Variants in HACE1 observed in about 807,000 individuals in gnomAD.
The protein encoded by HACE1 is E3 ubiquitin-protein ligase HACE1.
HACE1 carries 73 observed loss-of-function variants against 118.4 expected under a neutral mutation model. The observed-to-expected ratio is 0.62, with a 90% CI of 0.51 to 0.75. HACE1 has a LOEUF of 0.75. Ranked by LOEUF, HACE1 falls within the 30% of genes least tolerant of loss-of-function variation. The pLI is 0.00. For synonymous variants in HACE1, 368 were observed against 374.8 expected (o/e 0.98, Z 0.21); for missense variants, 749 against 1,102.2 (o/e 0.68, Z 4.54).
chr6:104,852,214 T>C lies in HACE1; in HGVS notation c.131+103A>G, dbSNP rs1582787740. 3 of 701,836 alleles carry C rather than the reference T, an allele frequency of 4.3e-6. No individual in the cohort carries two copies. The East Asian group carries it at 8.0e-5, about 19-fold the overall frequency. The allele number at this position is 701,836 out of a possible 1,614,324, so 43.5% of individuals were successfully genotyped here. On this transcript the variant is annotated intron_variant, in intron 2 of 23. Transcript: ENST00000262903. ...TCCAAACTGTCTGTGTGTGTGTGTG[T>C]GTGTGTGTGTGTGTGCGCGCGTGCG...
In HACE1 at chr6:104,730,497, T is replaced by A. The variant is rs1169185238; in HGVS notation, c.2514-81A>T. The A allele has an allele frequency of 5.2e-6, 4 of 765,120 alleles. No individual in the cohort carries two copies. In the African/African-American group the frequency reaches 6.9e-5, roughly 13 times the overall value. 47.4% of individuals were successfully genotyped at this position (765,120 alleles called of 1,614,324 possible). On this transcript the variant is annotated intron_variant, in intron 22 of 23. Transcript: ENST00000262903. ...ATAAATTTCAAGTTCTAAGTTAGGGTAGGAATATATCCAACTCTAGGACAA... is the reference window on the plus strand; with the variant it reads ...ATAAATTTCAAGTTCTAAGTTAGGGAAGGAATATATCCAACTCTAGGACAA...
intron 20 of HACE1, among the ~76,000 whole-genome samples, chr6:104,748,154 T>C (rs1023162840): frequency 4.0e-5 from 6 of 151,708 alleles, no homozygotes; most frequent in Admixed American, 6.6e-5. Context: ...TTTTATTCAC[T>C]GAAAAGACCT....
At chr6:104,831,046 C>T (rs1490831755) in intron 6 of HACE1, 2 of 151,984 alleles carry the variant, frequency 1.3e-5, no homozygotes, top group Non-Finnish European at 2.9e-5. Flanking sequence ...CTGGCACACA[C>T]CTGTACATTC....
intron 19 of HACE1, among the ~76,000 whole-genome samples, chr6:104,751,771 A>G (rs1275989237): frequency 6.6e-6 from 1 of 152,152 alleles, no homozygotes; most frequent in Non-Finnish European, 1.5e-5. Flanking sequence ...ATATTTTTTA[A>G]TTAGTTATAA....
At chr6:104,837,966 T>C (rs1303749178) in intron 5 of HACE1, among the ~76,000 whole-genome samples, 3 of 151,946 alleles carry the variant, frequency 2.0e-5, no homozygotes, top group Non-Finnish European at 4.4e-5. Flanking sequence ...TTATGACAGC[T>C]ACAAATAAAA....
rs570840768 is a variant in HACE1 at position 104,850,758 on chromosome 6, G to C, written c.221+149C>G. ...AAAGTTAACAGTTTAGAGACAGAACGGATAGCACACCACGCGCTCAAACAG... is the reference window on the plus strand; with the variant it reads ...AAAGTTAACAGTTTAGAGACAGAACCGATAGCACACCACGCGCTCAAACAG... On this transcript the variant is annotated intron_variant, in intron 3 of 23. Coordinates refer to ENST00000262903, the MANE Select transcript of HACE1 (RefSeq NM_020771.4). 6.5e-5 allele frequency: 48 copies of C among 744,036 alleles called. No individual in the cohort carries two copies. In the African/African-American group the frequency reaches 7.7e-4, roughly 12 times the overall value. The allele number at this position is 744,036 out of a possible 1,614,324, so 46.1% of individuals were successfully genotyped here. A position where few individuals can be genotyped will look rare whatever the true frequency, so the allele number is the denominator to read the frequency against.
At chr6:104,745,605 T>C (rs1288194897) in intron 20 of HACE1, among the ~76,000 whole-genome samples, 1 of 151,918 alleles carries the variant, frequency 6.6e-6, no homozygotes, top group East Asian at 1.9e-4. Context: ...CATGCCCGGC[T>C]AATTTTTTTG....
chr6:104,806,321 G>T (rs1770991796), intron 7 of HACE1, among the ~76,000 whole-genome samples: 1 of 152,092 alleles, frequency 6.6e-6, no homozygotes, highest in South Asian at 2.1e-4. Context: ...AATTAGTTCA[G>T]TATGGTGGTG....
intron 6 of HACE1, among the ~76,000 whole-genome samples, chr6:104,829,142 T>C (rs1773613999): frequency 6.6e-6 from 1 of 152,138 alleles, no homozygotes; most frequent in African/African-American, 2.4e-5. Context: ...TTACATGCAC[T>C]GGTATATGTC....
intron 9 of HACE1, 75 bp from the exon 10 acceptor site, chr6:104,795,760 T>C (rs971715045): frequency 1.1e-6 from 1 of 880,422 alleles, no homozygotes; most frequent in Non-Finnish European, 1.9e-6. Flanking sequence ...AAGTACCTAT[T>C]AAGTATCTTA....
In HACE1 at chr6:104,815,841, G is replaced by C. The variant is rs1389593730; in HGVS notation, c.535-4448C>G. The stretch of plus-strand genomic sequence containing the variant: ...TAATCCCAGCACTTTGGGAGGCTGA[G>C]GCGGGCAGATCACCTGAGGTCAGGA... On this transcript the variant is annotated intron_variant, in intron 6 of 23. Transcript: ENST00000262903. 7.7e-5 allele frequency among the ~76,000 whole-genome samples: 7 copies of C among 91,402 alleles called. 2 individuals are homozygous for C. Among genetic ancestry groups the C allele is most frequent in the African/African-American group, 3.7e-4 (7 of 18,958 alleles). The allele number at this position is 91,402 out of a possible 152,430, so 60.0% of individuals were successfully genotyped here.
chr6:104,757,892 T>A (rs1214201587), intron 19 of HACE1, among the ~76,000 whole-genome samples: 1 of 152,068 alleles, frequency 6.6e-6, no homozygotes, highest in Non-Finnish European at 1.5e-5. Context: ...GAAAACTTCA[T>A]GAAGCATACA....
Position 104,771,202 on chromosome 6 carries a change from T to C in HACE1, c.2202A>G (p.Gln734=). Residue 734 remains glutamine (Q), a synonymous_variant, in exon 19 of 24, where the codon CAA becomes CAG. Coordinates refer to ENST00000262903, the MANE Select transcript of HACE1 (RefSeq NM_020771.4). ...KPGGGSILVT[Q]NNKAEYVQLV... is the part of the protein sequence containing the mutation. ...AAACTGAAATACTCACTTTATTATTTTGTGTCACAAGAATACTCCCACCCC... is the reference window on the plus strand; with the variant it reads ...AAACTGAAATACTCACTTTATTATTCTGTGTCACAAGAATACTCCCACCCC... 1.2e-6 allele frequency: 2 copies of C among 1,608,750 alleles called. No homozygotes were observed. Among genetic ancestry groups the C allele is most frequent in the Middle Eastern group, 1.7e-4 (1 of 6,048 alleles).
intron 11 of HACE1, chr6:104,785,734 A>G (rs1288253089): frequency 6.1e-6 from 1 of 163,648 alleles, no homozygotes; most frequent in Non-Finnish European, 1.3e-5. Flanking sequence ...TTTTTCAGTT[A>G]AAAAATGAGA....
At chr6:104,838,943 C>A (rs1318830770) in intron 5 of HACE1, among the ~76,000 whole-genome samples, 1 of 128,724 alleles carries the variant, frequency 7.8e-6, no homozygotes, top group Non-Finnish European at 1.7e-5. Flanking sequence ...AATGAAAGAT[C>A]TGAGTAGACA....
At chr6:104,790,301 GGAAA>G (rs1415616954) in intron 11 of HACE1, among the ~76,000 whole-genome samples, 1 of 152,014 alleles carries the variant, frequency 6.6e-6, no homozygotes. Context: ...TTCCATGTAA[GGAAA>G]GAATCATTTA....
intron 7 of HACE1, among the ~76,000 whole-genome samples, chr6:104,807,180 T>G (rs1771105416): frequency 6.6e-6 from 1 of 151,988 alleles, no homozygotes; most frequent in Non-Finnish European, 1.5e-5. Context: ...TGCGCCACAA[T>G]GCCCAGCTAA....
In HACE1 at chr6:104,843,098, G is replaced by A. The variant is rs146181017; in HGVS notation, c.402+125C>T. On this transcript the variant is annotated intron_variant, in intron 5 of 23. Coordinates refer to ENST00000262903, the MANE Select transcript of HACE1 (RefSeq NM_020771.4). The stretch of plus-strand genomic sequence containing the variant: ...CTCACTCTAGCCTGAGTGACAGAGC[G>A]AGACTCTGTCTCAAAAAAAAGTAAC... The A allele has an allele frequency of 6.6e-4, 472 of 711,080 alleles. 2 individuals carry two copies. The highest frequency in any genetic ancestry group is 1.0e-3 in the East Asian group (41 of 39,098). The allele number at this position is 711,080 out of a possible 1,614,324, so 44.0% of individuals were successfully genotyped here. A position where few individuals can be genotyped will look rare whatever the true frequency, so the allele number is the denominator to read the frequency against.
At chr6:104,759,561 G>A (rs1779099976) in intron 19 of HACE1, among the ~76,000 whole-genome samples, 1 of 152,262 alleles carries the variant, frequency 6.6e-6, no homozygotes, top group Middle Eastern at 3.4e-3. Flanking sequence ...TGTGTAGAAG[G>A]AAATTTTTAG....
Sources: allele counts gnomAD v4.1 joint callset (sites outside exome capture counted in the v4.1 genomes callset), GRCh38; gene constraint gnomAD v4.1.1; transcripts MANE v1.5; gene names NCBI Gene and HGNC (gene_info 2026-07-23, HGNC 2026-07-21).